GRIN2D: variants seen among roughly 807,000 people sequenced by gnomAD.
The protein encoded by GRIN2D is glutamate receptor ionotropic, NMDA 2D.
Under a neutral mutation model 103.2 loss-of-function variants are expected in GRIN2D, and 37 were observed. The ratio of observed to expected loss-of-function variants is 0.36; its 90% CI spans 0.28 to 0.47. The LOEUF is 0.47. Among genes scored for constraint, GRIN2D ranks in the 20% least tolerant of loss-of-function variants. The pLI, the probability that GRIN2D is intolerant of heterozygous loss-of-function variation, is 1.00. For synonymous variants in GRIN2D, 845 were observed against 885.6 expected (o/e 0.95, Z 0.81); for missense variants, 1,557 against 1,910.6 (o/e 0.81, Z 3.45).
At chr19:48,426,382 C>T (rs1330940335) in intron 11 of GRIN2D, among the ~76,000 whole-genome samples, 5 of 151,072 alleles carry the variant, frequency 3.3e-5, no homozygotes, top group African/African-American at 1.2e-4. Flanking sequence ...CCTGCCACCA[C>T]GCCCAGCTAA....
intron 11 of GRIN2D, among the ~76,000 whole-genome samples, chr19:48,434,079 G>C (rs1971195437): frequency 6.6e-6 from 1 of 151,550 alleles, no homozygotes; most frequent in Non-Finnish European, 1.5e-5. Context: ...TTCCCGAGTA[G>C]CTGGGACTAC....
rs1970985246 is a variant in GRIN2D at position 48,419,242 on chromosome 19, A to G, written c.1744A>G (p.Ser582Gly). Reference sequence around the variant, plus strand: ...CACTCCCTTGTCCCCAGAGCCCTACAGCCCCGCCGTGTGGGTGATGATGTT... The same window carrying G: ...CACTCCCTTGTCCCCAGAGCCCTACGGCCCCGCCGTGTGGGTGATGATGTT... ...VSPSAFLEPYSPAVWVMMFVM... is the reference protein window; with the variant it reads ...VSPSAFLEPYGPAVWVMMFVM... Residue 582 changes from serine to glycine, a missense_variant, in exon 9 of 14, where the codon AGC becomes GGC. Physicochemically the swap from Ser to Gly is moderately conservative, Grantham distance 56 (BLOSUM62 0). This residue lies in a region of GRIN2D where 197 missense variants were observed against 334.1 expected (regional missense o/e 0.59). Coordinates refer to ENST00000263269, the MANE Select transcript of GRIN2D (RefSeq NM_000836.4). The G allele has an allele frequency of 1.2e-6, 2 of 1,606,584 alleles. No individual in the cohort carries two copies. The highest frequency in any genetic ancestry group is 1.7e-5 in the Admixed American group (1 of 57,570).
intron 7 of GRIN2D, 33 bp downstream of exon 7, chr19:48,415,065 G>T (rs747423835): frequency 6.5e-7 from 1 of 1,547,050 alleles, no homozygotes; most frequent in South Asian, 1.2e-5. Flanking sequence ...GGGAATCTTC[G>T]GGGCGGAGTC....
At chr19:48,409,489 C>G (rs1255775654) in intron 4 of GRIN2D, among the ~76,000 whole-genome samples, 1 of 152,020 alleles carries the variant, frequency 6.6e-6, no homozygotes, top group East Asian at 1.9e-4. Context: ...GTTGGCCAGG[C>G]TGCTCTCAAA....
intron 3 of GRIN2D, among the ~76,000 whole-genome samples, chr19:48,401,268 A>AGGGG (rs1292538029): frequency 1.3e-5 from 2 of 151,506 alleles, no homozygotes; most frequent in Non-Finnish European, 3.0e-5. Context: ...GGGGGGGGAA[A>AGGGG]AAAAGAGAGG....
intron 11 of GRIN2D, among the ~76,000 whole-genome samples, chr19:48,433,429 C>T (rs1042391758): frequency 2.0e-5 from 3 of 152,114 alleles, no homozygotes; most frequent in South Asian, 2.1e-4. Flanking sequence ...CCATATGTGG[C>T]GAGCTAGTGG....
In GRIN2D at chr19:48,441,917, C is replaced by T. The variant is rs749553178; in HGVS notation, c.2401C>T (p.Arg801Trp). Reference sequence around the variant, plus strand: ...CCTGCACAAGGGCTCCCGCTGGAAGCGGCCCATCGACCTGGCGTTGCTGCA... The same window carrying T: ...CCTGCACAAGGGCTCCCGCTGGAAGTGGCCCATCGACCTGGCGTTGCTGCA... ...IALHKGSRWK[R>W]PIDLALLQFL... is the part of the protein sequence containing the mutation. The change falls in exon 12 of 14, where the codon CGG (arginine) becomes TGG (tryptophan). Residue 801 changes from arginine to tryptophan, a missense_variant. Coordinates refer to ENST00000263269, the MANE Select transcript of GRIN2D (RefSeq NM_000836.4). 2 of 1,611,304 alleles carry T rather than the reference C, an allele frequency of 1.2e-6. No individual in the cohort carries two copies. Among genetic ancestry groups the T allele is most frequent in the East Asian group, 2.2e-5 (1 of 44,880 alleles).
In GRIN2D at chr19:48,414,597, G is replaced by C. The variant is rs1364733216; in HGVS notation, c.1412+13G>C. 1.9e-6 allele frequency: 3 copies of C among 1,548,920 alleles called. No homozygotes were observed. The South Asian group carries it at 3.6e-5, about 18-fold the overall frequency. On this transcript the variant is annotated intron_variant, in intron 6 of 13. Transcript: ENST00000263269. The surrounding 1 kb of genome is among the most constrained non-coding windows in gnomAD (Gnocchi z 4.6). ...ACCGAACCCACAGGTGACAGCTCGG[G>C]ATCCAGGAGTTCCGGCTCCAAAACC...
chr19:48,442,483 T>C lies in GRIN2D; in HGVS notation c.2673+101T>C. 10 of 1,522,218 alleles carry C rather than the reference T, an allele frequency of 6.6e-6. No homozygotes were observed. In the South Asian group the frequency reaches 1.2e-4, roughly 18 times the overall value. The allele number at this position is 1,522,218 out of a possible 1,614,324, so 94.3% of individuals were successfully genotyped here. ...GAGATGTGGGTCGAGATGTGGATAG[T>C]GGGGAAGAGAGCGGGAAACACAGGC... On this transcript the variant is annotated intron_variant, in intron 13 of 13. Transcript: ENST00000263269. This position sits in a 1 kb window ranked among gnomAD's most constrained non-coding sequence, Gnocchi z 7.2.
At chr19:48,437,753 AC>A (rs777836713) in intron 11 of GRIN2D, among the ~76,000 whole-genome samples, 3 of 151,980 alleles carry the variant, frequency 2.0e-5, no homozygotes, top group Non-Finnish European at 4.4e-5. Flanking sequence ...TTCACCTTTC[AC>A]CCCCAAGGGC....
rs34530972 is a variant in GRIN2D, at chr19:48,404,240, C to CAA, written c.466-477_466-476dup. 6.8e-3 allele frequency among the ~76,000 whole-genome samples: 795 copies of CAA among 116,726 alleles called. 11 individuals carry two copies. Among genetic ancestry groups the CAA allele is most frequent in the African/African-American group, 0.023 (723 of 31,416 alleles). The allele number at this position is 116,726 out of a possible 152,430, so 76.6% of individuals were successfully genotyped here. ...GGGCAACAAGAGTGAAATTCCATCT[C>CAA]AAAAAAAAAAAAAAAAAATCCAAAC... On this transcript the variant is annotated intron_variant, in intron 3 of 13. Coordinates refer to ENST00000263269, the MANE Select transcript of GRIN2D (RefSeq NM_000836.4).
At chr19:48,428,615 G>T (rs781683967) in intron 11 of GRIN2D, among the ~76,000 whole-genome samples, 23 of 151,694 alleles carry the variant, frequency 1.5e-4, no homozygotes, top group Non-Finnish European at 3.1e-4. Flanking sequence ...CGCCTGCCAC[G>T]GCCTCCCAAA....
At chr19:48,402,453 C>T (rs1379940373) in intron 3 of GRIN2D, among the ~76,000 whole-genome samples, 1 of 151,896 alleles carries the variant, frequency 6.6e-6, no homozygotes, top group African/African-American at 2.4e-5. Flanking sequence ...CGCGGTGGCT[C>T]ATGCCTGTAA....
Position 48,444,175 on chromosome 19 carries a change from A to C in GRIN2D, c.*238A>C. 1 of 386,930 alleles carries C rather than the reference A, an allele frequency of 2.6e-6. No homozygotes were observed. Among genetic ancestry groups the C allele is most frequent in the South Asian group, 9.4e-5 (1 of 10,628 alleles). The allele number at this position is 386,930 out of a possible 1,614,324, so 24.0% of individuals were successfully genotyped here. A position where few individuals can be genotyped will look rare whatever the true frequency, so the allele number is the denominator to read the frequency against. On this transcript the variant is annotated 3_prime_UTR_variant, in exon 14 of 14. Coordinates refer to ENST00000263269, the MANE Select transcript of GRIN2D (RefSeq NM_000836.4). The surrounding 1 kb of genome is among the most constrained non-coding windows in gnomAD (Gnocchi z 5.5). Reference sequence around the variant, plus strand: ...GGGCGGGGGCCTTGGAGCCCACCGGACTTTTTTTTAAACCCGACAAGGGCT... The same window carrying C: ...GGGCGGGGGCCTTGGAGCCCACCGGCCTTTTTTTTAAACCCGACAAGGGCT...
intron 3 of GRIN2D, among the ~76,000 whole-genome samples, chr19:48,399,363 T>G (rs1242825706): frequency 6.6e-6 from 1 of 151,492 alleles, no homozygotes; most frequent in Non-Finnish European, 1.5e-5. Flanking sequence ...GTCACAGGAG[T>G]TTGAGACCAG....
intron 2 of GRIN2D, among the ~76,000 whole-genome samples, chr19:48,395,651 T>C (rs1970630610): frequency 6.6e-6 from 1 of 151,980 alleles, no homozygotes; most frequent in Admixed American, 6.6e-5. Flanking sequence ...TAGGAATTTC[T>C]GGCACCCTCC....
intron 11 of GRIN2D, among the ~76,000 whole-genome samples, chr19:48,431,746 A>T (rs909762712): frequency 2.0e-5 from 3 of 151,894 alleles, no homozygotes; most frequent in Non-Finnish European, 4.4e-5. Context: ...CACCATGCCC[A>T]GCTAATTTCT....
chr19:48,443,619 G>T lies in GRIN2D; in HGVS notation c.3693G>T (p.Ser1231=), dbSNP rs1179302648. The part of the protein sequence containing the change: ...RRRARCGCPR[S]HPHRPRASHR... The stretch of plus-strand genomic sequence containing the variant: ...GGGCCCGCTGCGGGTGCCCGCGGTC[G>T]CACCCGCACCGCCCGCGGGCCTCGC... The change falls in exon 14 of 14, where the codon TCG becomes TCT. Residue 1231 remains serine, a synonymous_variant. Transcript: ENST00000263269. This position sits in a 1 kb window ranked among gnomAD's most constrained non-coding sequence, Gnocchi z 8.9. The T allele has an allele frequency of 1.9e-6, 2 of 1,076,602 alleles. No homozygotes were observed. Among genetic ancestry groups the T allele is most frequent in the East Asian group, 6.3e-5 (1 of 15,878 alleles). 66.7% of individuals were successfully genotyped at this position (1,076,602 alleles called of 1,614,324 possible). A position where few individuals can be genotyped will look rare whatever the true frequency, so the allele number is the denominator to read the frequency against.
Position 48,419,859 on chromosome 19 carries a change from GA to G in GRIN2D, c.2091+46del, listed in dbSNP as rs1202624409. On this transcript the variant is annotated intron_variant, in intron 10 of 13. Transcript: ENST00000263269. The stretch of plus-strand genomic sequence containing the variant: ...TGGGCTGGAGCTGGGGCTGGGGCTG[GA>G]GGTCACAGAGCTTGTCATGTGGTAG... 4 of 1,105,098 alleles carry G rather than the reference GA, an allele frequency of 3.6e-6. No homozygotes were observed. The African/African-American group carries it at 6.7e-5, about 18-fold the overall frequency. The allele number at this position is 1,105,098 out of a possible 1,614,324, so 68.5% of individuals were successfully genotyped here.
Sources: allele counts gnomAD v4.1 joint callset (sites outside exome capture counted in the v4.1 genomes callset), GRCh38; gene constraint gnomAD v4.1.1; regional missense constraint gnomAD v4.1.1; non-coding constraint Gnocchi (gnomAD v3.1); transcripts MANE v1.5; gene names NCBI Gene and HGNC (gene_info 2026-07-23, HGNC 2026-07-21).